The following CELA1 variants were observed in gnomAD, a reference collection of about 807,000 sequenced individuals.
CELA1 encodes chymotrypsin-like elastase family member 1.
A neutral mutation model predicts 34.8 loss-of-function variants in CELA1; 28 were observed. The observed-to-expected ratio is 0.80, with a 90% confidence interval of 0.60 to 1.10. The LOEUF is 1.10. CELA1 is among the 50% of genes least tolerant of loss of function. CELA1 has a pLI of 0.00. For synonymous variants in CELA1, 140 were observed against 129.8 expected, an observed-to-expected ratio of 1.08 and a Z score of -0.53; for missense variants, 288 against 327.5, an observed-to-expected ratio of 0.88 and a Z score of 0.93.
chr12:51,329,394 TAGGA>T (rs1946454923), intron 7 of CELA1, among the ~76,000 whole-genome samples: 2 of 152,126 alleles, frequency 1.3e-5, no homozygotes, highest in South Asian at 4.1e-4. Context: ...GGCTTTGACT[TAGGA>T]AGGCACTGAT....
intron 6 of CELA1, among the ~76,000 whole-genome samples, chr12:51,334,639 T>G (rs979974332): frequency 3.9e-5 from 6 of 152,184 alleles, no homozygotes; most frequent in African/African-American, 1.2e-4. Flanking sequence ...TTTCACCGTG[T>G]TAGCCAGGAT....
At chr12:51,338,299 CAT>C (rs1946513060) in intron 6 of CELA1, among the ~76,000 whole-genome samples, 1 of 23,832 alleles carries the variant, frequency 4.2e-5, no homozygotes, top group Non-Finnish European at 1.2e-4. Flanking sequence ...TACACATACG[CAT>C]ACATATATAT....
rs1423093658 is a variant in CELA1, at chr12:51,345,794, C to T, written c.99+1G>A. On this transcript the variant is annotated splice_donor_variant, in intron 2 of 7. Coordinates refer to ENST00000293636, the MANE Select transcript of CELA1 (RefSeq NM_001971.6). LOFTEE classifies it high-confidence loss of function. ...GTCTGGGGCTGGGAAGGAACACCCA[C>T]CTGAGAGGGCCAGGAATTCCTCCCG... 6.4e-7 allele frequency: 1 copy of T among 1,554,592 alleles called. No homozygotes were observed. The highest frequency in any genetic ancestry group is 8.7e-7 in the Non-Finnish European group (1 of 1,148,162).
Position 51,328,541 on chromosome 12 carries a change from A to T in CELA1, c.*36T>A. 1 of 1,613,028 alleles carries T rather than the reference A, an allele frequency of 6.2e-7. No individual in the cohort carries two copies. Among genetic ancestry groups the T allele is most frequent in the Non-Finnish European group, 8.5e-7 (1 of 1,178,984 alleles). ...CGCAAGTCCTACTGCAGATCTAAGA[A>T]CCATTTTGGGAAGGTCGTTGGACTC... On this transcript the variant is annotated 3_prime_UTR_variant, in exon 8 of 8. Transcript: ENST00000293636.
intron 4 of CELA1, 53 bp downstream of exon 4, chr12:51,342,522 T>C: frequency 6.2e-7 from 1 of 1,612,558 alleles, no homozygotes; most frequent in Admixed American, 1.7e-5. Flanking sequence ...AGCCAGTTGT[T>C]GGCTAGTCAG....
At chr12:51,330,321 T>A (rs977590705) in intron 6 of CELA1, among the ~76,000 whole-genome samples, 1 of 152,158 alleles carries the variant, frequency 6.6e-6, no homozygotes, top group African/African-American at 2.4e-5. Context: ...TAAACTAAAC[T>A]GGAATGAAGA....
At chr12:51,333,554 G>A (rs1267619630) in intron 6 of CELA1, among the ~76,000 whole-genome samples, 4 of 151,648 alleles carry the variant, frequency 2.6e-5, no homozygotes, top group African/African-American at 7.3e-5. Context: ...CACCTCGCCC[G>A]GCTAATTTTT....
At chr12:51,330,185 CT>C (rs1389282282) in intron 6 of CELA1, among the ~76,000 whole-genome samples, 1 of 152,168 alleles carries the variant, frequency 6.6e-6, no homozygotes, top group Non-Finnish European at 1.5e-5. Context: ...AGTTCAATCG[CT>C]TTTATTGGCT....
intron 7 of CELA1, 95 bp downstream of exon 7, chr12:51,329,589 G>T: frequency 1.5e-6 from 2 of 1,301,166 alleles, no homozygotes; most frequent in Non-Finnish European, 2.1e-6. Flanking sequence ...GGAAGATGAC[G>T]GCTTGCCCAG....
At chr12:51,329,488 T>C (rs1000310150) in intron 7 of CELA1, among the ~76,000 whole-genome samples, 196 bp downstream of exon 7, 2 of 152,040 alleles carry the variant, frequency 1.3e-5, no homozygotes, top group African/African-American at 4.8e-5. Context: ...TCTGTGGGTA[T>C]GTGGAGGGGA....
In CELA1 at chr12:51,342,634, G is replaced by T; in HGVS notation, c.267C>A (p.Tyr89Ter). ...NLSQNDGTEQ[Y>*]VSVQKIVVHP... ...GCACCACGATCTTCTGCACACTCAC[G>T]TACTGCTCAGTGCCATCATTCTGGC... The change falls in exon 4 of 8, where the codon TAC (tyrosine) becomes TAA (stop). Residue 89 changes from tyrosine (Y) to a stop codon, truncating the protein, a stop_gained. Transcript: ENST00000293636. LOFTEE classifies it high-confidence loss of function. 1 of 1,614,100 alleles carries T rather than the reference G, an allele frequency of 6.2e-7. No homozygotes were observed. The highest frequency in any genetic ancestry group is 8.5e-7 in the Non-Finnish European group (1 of 1,180,032).
Position 51,345,879 on chromosome 12 carries a change from T to C in CELA1, c.17-2A>G. The C allele has an allele frequency of 1.3e-6, 2 of 1,555,790 alleles. No individual in the cohort carries two copies. The highest frequency in any genetic ancestry group is 8.7e-7 in the Non-Finnish European group (1 of 1,148,830). On this transcript the variant is annotated splice_acceptor_variant, in intron 1 of 7. Coordinates refer to ENST00000293636, the MANE Select transcript of CELA1 (RefSeq NM_001971.6). LOFTEE classifies it high-confidence loss of function. The stretch of plus-strand genomic sequence containing the variant: ...CCGGAAGGTCCTGGGTGCTGTGTCC[T>C]TTGTGGGGCAGAAGAAAAGTGAGTG...
intron 6 of CELA1, among the ~76,000 whole-genome samples, chr12:51,339,252 A>G (rs1946518382): frequency 6.7e-6 from 1 of 149,044 alleles, no homozygotes; most frequent in Non-Finnish European, 1.5e-5. Context: ...CCATTAAAAA[A>G]TCTAGGTAAC....
chr12:51,341,879 G>T (rs1277549721), intron 4 of CELA1, among the ~76,000 whole-genome samples: 1 of 150,142 alleles, frequency 6.7e-6, no homozygotes, highest in African/African-American at 2.4e-5. Context: ...ATTTACTTTT[G>T]CTGATGGAGT....
intron 6 of CELA1, among the ~76,000 whole-genome samples, chr12:51,330,664 C>T (rs1013343153): frequency 1.4e-4 from 21 of 152,196 alleles, no homozygotes; most frequent in African/African-American, 4.6e-4. Context: ...GGTTAAGGAT[C>T]ACTAAACATC....
chr12:51,345,927 A>G, intron 1 of CELA1, 50 bp from the exon 2 acceptor site: 3 of 924,490 alleles, frequency 3.2e-6, no homozygotes, highest in Non-Finnish European at 3.3e-6. Context: ...GGGGTCAGCC[A>G]GGGGTAGGGG....
chr12:51,345,735 T>C, intron 2 of CELA1, 60 bp downstream of exon 2: 1 of 1,160,372 alleles, frequency 8.6e-7, no homozygotes, highest in South Asian at 1.3e-5. Context: ...ACATGATACC[T>C]TATGTCATGC....
intron 3 of CELA1, among the ~76,000 whole-genome samples, chr12:51,343,083 C>T (rs1946547436): frequency 6.6e-6 from 1 of 152,122 alleles, no homozygotes; most frequent in Non-Finnish European, 1.5e-5. Context: ...AAACTACCAT[C>T]ACTTTGATTT....
rs919689886 is a variant in CELA1 at position 51,341,168 on chromosome 12, C to T, written c.463+76G>A. 12 of 1,540,622 alleles carry T rather than the reference C, an allele frequency of 7.8e-6. No homozygotes were observed. In the Admixed American group the frequency reaches 1.5e-4, roughly 20 times the overall value. ...CTCTGGCCATAAGCACCTAGGACCA[C>T]AGAAAAAGGTGTCTTAGAAGCTCAG... On this transcript the variant is annotated intron_variant, in intron 5 of 7. Coordinates refer to ENST00000293636, the MANE Select transcript of CELA1 (RefSeq NM_001971.6).
Sources: allele counts gnomAD v4.1 joint callset (sites outside exome capture counted in the v4.1 genomes callset), GRCh38; gene constraint gnomAD v4.1.1; transcripts MANE v1.5; gene names NCBI Gene and HGNC (gene_info 2026-07-23, HGNC 2026-07-21).